Variants in C5orf24 observed in about 807,000 individuals in gnomAD.
C5orf24 encodes chromosome 5 open reading frame 24, also known as UPF0461 protein C5orf24.
In C5orf24, 4 loss-of-function variants were observed where a neutral mutation model predicts 9.8. The observed-to-expected ratio is 0.41, with a 90% confidence interval of 0.20 to 0.93. The LOEUF (loss-of-function observed/expected upper bound fraction) is 0.93. Among genes scored for constraint, C5orf24 ranks in the 40% least tolerant of loss-of-function variants. The pLI is 0.33. For missense variants in C5orf24, 170 were observed against 236.9 expected, an observed-to-expected ratio of 0.72 and a Z score of 1.85; for synonymous variants, 73 against 81.3, an observed-to-expected ratio of 0.90 and a Z score of 0.55.
the C5orf24 span, among the ~76,000 whole-genome samples, chr5:134,836,626 C>T: frequency 6.6e-6 from 1 of 152,148 alleles, no homozygotes; most frequent in Non-Finnish European, 1.5e-5. Context: ...TCACTGCAAC[C>T]TCCGCTTCTC....
At chr5:134,853,360 T>TAAA (rs397884485) in intron 1 of C5orf24, among the ~76,000 whole-genome samples, 19 of 76,982 alleles carry the variant, frequency 2.5e-4, no homozygotes, top group Admixed American at 1.7e-3. Context: ...AAACTCCACC[T>TAAA]AAAAAAAAAA....
intron 1 of C5orf24, among the ~76,000 whole-genome samples, chr5:134,849,291 C>T (rs781331691): frequency 2.6e-5 from 4 of 151,958 alleles, no homozygotes; most frequent in Non-Finnish European, 5.9e-5. Context: ...ATAGTTAGCT[C>T]GGAAGTGGGA....
the C5orf24 span, among the ~76,000 whole-genome samples, chr5:134,836,981 CT>C: frequency 3.3e-5 from 5 of 150,630 alleles, no homozygotes; most frequent in African/African-American, 7.3e-5. Context: ...TCTGTTTTTT[CT>C]TTTTTTTTGA....
intron 1 of C5orf24, among the ~76,000 whole-genome samples, chr5:134,852,932 G>A (rs908882147): frequency 2.0e-5 from 3 of 152,124 alleles, no homozygotes; most frequent in East Asian, 1.9e-4. Flanking sequence ...CTGGGAGGCC[G>A]AGGCAGGCAG....
At chr5:134,835,030 C>T in the C5orf24 span, among the ~76,000 whole-genome samples, 2 of 150,200 alleles carry the variant, frequency 1.3e-5, no homozygotes, top group Non-Finnish European at 3.0e-5. Flanking sequence ...GATAACAGAG[C>T]TAAACTCCAT....
rs1240342897 is a variant in C5orf24 at position 134,855,494 on chromosome 5, T to G, written c.*27T>G. On this transcript the variant is annotated 3_prime_UTR_variant, in exon 2 of 2. Coordinates refer to ENST00000394976, the MANE Select transcript of C5orf24 (RefSeq NM_001135586.1). ...TGAGGCAGGAAAAGAGGGCCAGGTT[T>G]AGAAGGAAGATTGTGAATAATCCCA... 3.7e-6 allele frequency: 6 copies of G among 1,610,952 alleles called. No homozygotes were observed. Among genetic ancestry groups the G allele is most frequent in the Non-Finnish European group, 5.1e-6 (6 of 1,179,366 alleles).
At position 134,859,154 on chromosome 5, in the gene C5orf24, CAG is replaced by C. The variant is rs1194243891; in HGVS notation, c.*3688_*3689del. 6.0e-6 allele frequency: 1 copy of C among 166,744 alleles called. No individual in the cohort carries two copies. The highest frequency in any genetic ancestry group is 1.5e-5 in the Non-Finnish European group (1 of 68,026). 10.3% of individuals were successfully genotyped at this position (166,744 alleles called of 1,614,324 possible). A position where few individuals can be genotyped will look rare whatever the true frequency, so the allele number is the denominator to read the frequency against. On this transcript the variant is annotated 3_prime_UTR_variant, in exon 2 of 2. Transcript: ENST00000394976. ...TCTAAGAAGCTTTAAAAGAACAATT[CAG>C]GGGTTATTGATAACTGCTACTCTGT... is the stretch of plus-strand genomic sequence containing the variant.
Position 134,858,564 on chromosome 5 carries a change from T to G in C5orf24, c.*3097T>G, listed in dbSNP as rs956742997. 1 of 167,016 alleles carries G rather than the reference T, an allele frequency of 6.0e-6. No individual in the cohort carries two copies. The allele number at this position is 167,016 out of a possible 1,614,324, so 10.3% of individuals were successfully genotyped here. Reference sequence around the variant, plus strand: ...AATTCTGTTCTTCACAAAATAGGTTTCATTATTCTATATTTAAACTGTTGG... The same window carrying G: ...AATTCTGTTCTTCACAAAATAGGTTGCATTATTCTATATTTAAACTGTTGG... On this transcript the variant is annotated 3_prime_UTR_variant, in exon 2 of 2. Coordinates refer to ENST00000394976, the MANE Select transcript of C5orf24 (RefSeq NM_001135586.1).
At chr5:134,848,244 T>TA (rs1241398512) in intron 1 of C5orf24, among the ~76,000 whole-genome samples, 1 of 150,792 alleles carries the variant, frequency 6.6e-6, no homozygotes, top group African/African-American at 2.4e-5. Flanking sequence ...CTGGGAGGCG[T>TA]AGCTTGCAGT....
intron 1 of C5orf24, among the ~76,000 whole-genome samples, chr5:134,847,657 C>G (rs1294947903): frequency 1.3e-5 from 2 of 151,440 alleles, no homozygotes. Context: ...TTCTATAACT[C>G]TTGGCTTCTA....
At position 134,858,454 on chromosome 5, in the gene C5orf24, A is replaced by G. The variant is rs1400014838; in HGVS notation, c.*2987A>G. 6.0e-6 allele frequency: 1 copy of G among 166,970 alleles called. No individual in the cohort carries two copies. 10.3% of individuals were successfully genotyped at this position (166,970 alleles called of 1,614,324 possible). A position where few individuals can be genotyped will look rare whatever the true frequency, so the allele number is the denominator to read the frequency against. ...ATGTTAAACAGTTGCCTATACTTTA[A>G]TATAATCAGTTGGGGAAAACTGGCC... On this transcript the variant is annotated 3_prime_UTR_variant, in exon 2 of 2. Transcript: ENST00000394976.
At chr5:134,854,846 G>T (rs1182408037) in intron 1 of C5orf24, 52 bp from the exon 2 acceptor site, 4 of 1,567,538 alleles carry the variant, frequency 2.6e-6, no homozygotes, top group Non-Finnish European at 3.5e-6. Flanking sequence ...CTGCATACAG[G>T]TATGTATTTG....
chr5:134,837,954 A>G, the C5orf24 span, among the ~76,000 whole-genome samples: 1 of 152,190 alleles, frequency 6.6e-6, no homozygotes, highest in Non-Finnish European at 1.5e-5. Context: ...GAAAGTATCT[A>G]AGAACACTTG....
rs141164760 is a variant in C5orf24 at position 134,855,302 on chromosome 5, C to T, written c.402C>T (p.Tyr134=). 61 of 1,614,100 alleles carry T rather than the reference C, an allele frequency of 3.8e-5. No individual in the cohort carries two copies. Among genetic ancestry groups the T allele is most frequent in the Non-Finnish European group, 5.2e-5 (61 of 1,180,014 alleles). Residue 134 remains tyrosine (Y), a synonymous_variant, in exon 2 of 2, where the codon TAC becomes TAT. Transcript: ENST00000394976. ...RPLGTTKAAG[Y]KVSPGRPPGS... ...TGGGGACAACTAAAGCTGCGGGATACAAAGTCAGCCCAGGCAGACCTCCAG... is the reference window on the plus strand; with the variant it reads ...TGGGGACAACTAAAGCTGCGGGATATAAAGTCAGCCCAGGCAGACCTCCAG...
chr5:134,853,818 C>CA lies in C5orf24; in HGVS notation c.-3-1079dup, dbSNP rs200229071. ...GAGGTATTGGCTGGGTGCGGTGGCT[C>CA]ACGCCTGTAATCCCAACACTGTGGA... On this transcript the variant is annotated intron_variant, in intron 1 of 1. Transcript: ENST00000394976. Among the ~76,000 whole-genome samples, 538 of 152,270 alleles carry CA rather than the reference C, an allele frequency of 3.5e-3. 3 individuals are homozygous for CA. Among genetic ancestry groups the CA allele is most frequent in the African/African-American group, 0.012 (499 of 41,554 alleles).
chr5:134,845,294 G>A (rs1755962749), upstream of C5orf24, among the ~76,000 whole-genome samples: 1 of 152,164 alleles, frequency 6.6e-6, no homozygotes, highest in Non-Finnish European at 1.5e-5. Context: ...GGGGAAAAGG[G>A]CAAGCATCCT....
rs1756328723 is a variant in C5orf24 at position 134,856,878 on chromosome 5, G to C, written c.*1411G>C. On this transcript the variant is annotated 3_prime_UTR_variant, in exon 2 of 2. Coordinates refer to ENST00000394976, the MANE Select transcript of C5orf24 (RefSeq NM_001135586.1). ...AACCCAAATATTAAGAAGCATATAG[G>C]AATCCATCTATGCATGAAACATGTA... 1 of 1,000,518 alleles carries C rather than the reference G, an allele frequency of 1.0e-6. No homozygotes were observed. Among genetic ancestry groups the C allele is most frequent in the South Asian group, 4.7e-5 (1 of 21,300 alleles). The allele number at this position is 1,000,518 out of a possible 1,614,324, so 62.0% of individuals were successfully genotyped here.
At position 134,855,370 on chromosome 5, in the gene C5orf24, G is replaced by T. The variant is rs1380132722; in HGVS notation, c.470G>T (p.Gly157Val). The T allele has an allele frequency of 6.2e-7, 1 of 1,614,194 alleles. No homozygotes were observed. The highest frequency in any genetic ancestry group is 8.5e-7 in the Non-Finnish European group (1 of 1,180,032). ...TCCCGTCTTGCCGATCTTGGTTATG[G>T]CTGTGGCACTGCTGCTTTTCCTTAC... ...ALSRLADLGY[G>V]CGTAAFPYPM... The change falls in exon 2 of 2, where the codon GGC becomes GTC. Residue 157 changes from glycine (G) to valine (V), a missense_variant. By Grantham distance (109) the Gly-to-Val change is moderately radical. This residue lies in a region of C5orf24 where 56 missense variants were observed against 60.3 expected (regional missense o/e 0.93). Transcript: ENST00000394976.
intron 1 of C5orf24, among the ~76,000 whole-genome samples, chr5:134,848,511 A>G (rs1320492333): frequency 6.7e-6 from 1 of 150,020 alleles, no homozygotes; most frequent in Non-Finnish European, 1.5e-5. Flanking sequence ...AAAAAAAAGT[A>G]TAAAAATTAG....
Sources: allele counts gnomAD v4.1 joint callset (sites outside exome capture counted in the v4.1 genomes callset), GRCh38; gene constraint gnomAD v4.1.1; regional missense constraint gnomAD v4.1.1; transcripts MANE v1.5; gene names NCBI Gene and HGNC (gene_info 2026-07-23, HGNC 2026-07-21).